Variants in VEZT observed in about 807,000 individuals in gnomAD.
The protein encoded by VEZT is vezatin, adherens junctions transmembrane protein.
Under a neutral mutation model 79.9 loss-of-function variants are expected in VEZT, and 39 were observed. The observed-to-expected ratio is 0.49, with a 90% CI of 0.38 to 0.64. The LOEUF (loss-of-function observed/expected upper bound fraction) is 0.64. Ranked by LOEUF, VEZT falls within the 30% of genes least tolerant of loss-of-function variation. The pLI is 0.00. For synonymous variants in VEZT, 325 were observed against 327.6 expected (o/e 0.99, Z 0.09); for missense variants, 837 against 893.1 (o/e 0.94, Z 0.80).
chr12:95,274,920 GA>G, intron 7 of VEZT, 31 bp downstream of exon 7: 1 of 1,599,462 alleles, frequency 6.3e-7, no homozygotes, highest in African/African-American at 1.3e-5. Flanking sequence ...AAGGGCTGAA[GA>G]AAAAATAGAT....
At chr12:95,294,074 T>C (rs1230604851) in intron 9 of VEZT, 198 bp from the exon 10 acceptor site, 1 of 466,180 alleles carries the variant, frequency 2.1e-6, no homozygotes, top group Non-Finnish European at 3.9e-6. Context: ...TCAGTTTTTG[T>C]AGCGACAGAG....
intron 10 of VEZT, among the ~76,000 whole-genome samples, chr12:95,295,221 C>T (rs977686841): frequency 2.0e-5 from 3 of 152,122 alleles, no homozygotes; most frequent in Non-Finnish European, 4.4e-5. Flanking sequence ...AGTGCAGGGG[C>T]GCGATCTCGG....
chr12:95,289,607 TTTGCTTATAGATAATAATGATATG>T (rs1161728783), intron 9 of VEZT, among the ~76,000 whole-genome samples: 1 of 152,044 alleles, frequency 6.6e-6, no homozygotes, highest in Non-Finnish European at 1.5e-5. Context: ...ATGTGTGGCT[TTTGCTTATAGATAATAATGATATG>T]GATTAAGACA....
chr12:95,297,864 A>G (rs1478651321), intron 11 of VEZT, among the ~76,000 whole-genome samples: 3 of 152,238 alleles, frequency 2.0e-5, no homozygotes, highest in Admixed American at 2.0e-4. Context: ...TCACGCCTCT[A>G]ATTCCAACAC....
At chr12:95,225,425 C>T (rs371302341) in intron 1 of VEZT, among the ~76,000 whole-genome samples, 1 of 152,042 alleles carries the variant, frequency 6.6e-6, no homozygotes, top group East Asian at 1.9e-4. Flanking sequence ...GGCTTGGTGG[C>T]GGGCGCCTGT....
intron 7 of VEZT, among the ~76,000 whole-genome samples, chr12:95,277,023 C>T (rs981959231): frequency 1.3e-5 from 2 of 152,020 alleles, no homozygotes; most frequent in African/African-American, 2.4e-5. Flanking sequence ...CCCCCGCCCC[C>T]GCACCATCCT....
At chr12:95,224,755 A>G (rs1230277465) in intron 1 of VEZT, among the ~76,000 whole-genome samples, 1 of 152,194 alleles carries the variant, frequency 6.6e-6, no homozygotes, top group Non-Finnish European at 1.5e-5. Flanking sequence ...CTAGATACTA[A>G]GTACTGTGTC....
At chr12:95,298,758 AAT>A (rs1255760638) in intron 11 of VEZT, 1 of 152,214 alleles carries the variant, frequency 6.6e-6, no homozygotes, top group African/African-American at 2.4e-5. Context: ...ACCAACTTCT[AAT>A]ATATGTTGCT....
At chr12:95,289,081 C>CAAAAAAAAAAAA (rs71078697) in intron 9 of VEZT, among the ~76,000 whole-genome samples, 20 of 123,080 alleles carry the variant, frequency 1.6e-4, no homozygotes, top group Non-Finnish European at 3.2e-4. Context: ...GACTCCGTCT[C>CAAAAAAAAAAAA]AAAAAAAAAA....
chr12:95,283,643 A>G (rs2069754878), intron 8 of VEZT, among the ~76,000 whole-genome samples: 1 of 152,236 alleles, frequency 6.6e-6, no homozygotes, highest in Admixed American at 6.5e-5. Context: ...AAGGATAGGA[A>G]CTTAAAGTCA....
Position 95,233,432 on chromosome 12 carries a change from C to G in VEZT, c.36+15546C>G, listed in dbSNP as rs561851511. On this transcript the variant is annotated intron_variant, in intron 1 of 11. Coordinates refer to ENST00000436874, the MANE Select transcript of VEZT (RefSeq NM_017599.4). ...TTATGTTTTTTGAGACAGAGTCTCA[C>G]TCTCTTGCCGAGGCTGGAGTGCAGT... Among the ~76,000 whole-genome samples the G allele has an allele frequency of 4.6e-5, 7 of 152,248 alleles. No homozygotes were observed. The East Asian group carries it at 1.4e-3, about 29-fold the overall frequency.
At chr12:95,280,190 A>G (rs969075976) in intron 7 of VEZT, among the ~76,000 whole-genome samples, 6 of 152,110 alleles carry the variant, frequency 3.9e-5, no homozygotes, top group Non-Finnish European at 7.4e-5. Flanking sequence ...CTGTTAACGC[A>G]TAAATCAGAT....
chr12:95,280,976 A>C (rs1483979020), intron 7 of VEZT, among the ~76,000 whole-genome samples: 1 of 152,238 alleles, frequency 6.6e-6, no homozygotes, highest in East Asian at 1.9e-4. Flanking sequence ...TACATGAAAT[A>C]ATCTTAATTC....
At chr12:95,243,799 G>A in intron 1 of VEZT, 1 of 348,510 alleles carries the variant, frequency 2.9e-6, no homozygotes, top group South Asian at 2.2e-5. Flanking sequence ...GTGAGTTCTT[G>A]CTCTCTCAAA....
At chr12:95,297,800 C>T (rs2074473393) in intron 11 of VEZT, among the ~76,000 whole-genome samples, 1 of 152,102 alleles carries the variant, frequency 6.6e-6, no homozygotes, top group Non-Finnish European at 1.5e-5. Flanking sequence ...CTACAGTTCA[C>T]AAATGTGTTA....
At chr12:95,278,323 CAGTG>C (rs1566233792) in intron 7 of VEZT, among the ~76,000 whole-genome samples, 2 of 152,198 alleles carry the variant, frequency 1.3e-5, no homozygotes, top group African/African-American at 4.8e-5. Context: ...TGCTCACTCA[CAGTG>C]TTTTACAAAT....
intron 1 of VEZT, among the ~76,000 whole-genome samples, chr12:95,236,047 G>T (rs964752589): frequency 1.3e-5 from 2 of 152,030 alleles, no homozygotes; most frequent in East Asian, 1.9e-4. Flanking sequence ...CTGCAATCTC[G>T]GCACTTTGGG....
intron 1 of VEZT, among the ~76,000 whole-genome samples, chr12:95,225,046 T>A (rs1388827840): frequency 6.6e-6 from 1 of 152,198 alleles, no homozygotes; most frequent in East Asian, 1.9e-4. Flanking sequence ...ACCATCCTGC[T>A]GGCCTCGGGC....
At chr12:95,242,934 G>C (rs887250519) in intron 1 of VEZT, among the ~76,000 whole-genome samples, 30 of 149,716 alleles carry the variant, frequency 2.0e-4, no homozygotes, top group Non-Finnish European at 3.7e-4. Flanking sequence ...ATAATAATAA[G>C]TTGAATTTTT....
Sources: allele counts gnomAD v4.1 joint callset (sites outside exome capture counted in the v4.1 genomes callset), GRCh38; gene constraint gnomAD v4.1.1; transcripts MANE v1.5; gene names NCBI Gene and HGNC (gene_info 2026-07-23, HGNC 2026-07-21).